ITGAM: variants seen among roughly 807,000 people sequenced by gnomAD.
ITGAM encodes integrin subunit alpha M, also known as integrin alpha-M.
Under a neutral mutation model 137.5 loss-of-function variants are expected in ITGAM, and 79 were observed. The ratio of observed to expected loss-of-function variants is 0.57; its 90% CI spans 0.48 to 0.69. The LOEUF (loss-of-function observed/expected upper bound fraction) is 0.69. ITGAM is among the 30% of genes least tolerant of loss of function. The pLI is 0.00. For synonymous variants in ITGAM, 583 were observed against 592.3 expected (o/e 0.98, Z 0.23); for missense variants, 1,343 against 1,483.5 (o/e 0.91, Z 1.56).
intron 14 of ITGAM, among the ~76,000 whole-genome samples, chr16:31,299,038 T>G (rs2080168120): frequency 6.6e-6 from 1 of 152,204 alleles, no homozygotes; most frequent in African/African-American, 2.4e-5. Context: ...GCCTCTGGTC[T>G]CTGGGTTTTT....
At chr16:31,261,334 C>T (rs2079697066) in intron 1 of ITGAM, among the ~76,000 whole-genome samples, 1 of 151,320 alleles carries the variant, frequency 6.6e-6, no homozygotes. Context: ...TCCTGAGTAC[C>T]ACTACACCCG....
rs1207681666 is a variant in ITGAM at position 31,265,821 on chromosome 16, G to C, written c.249G>C (p.Glu83Asp). Residue 83 changes from glutamate (E) to aspartate (D), a missense_variant, in exon 4 of 30, where the codon GAG (glutamate) becomes GAC (aspartate). By Grantham distance (45) the Glu-to-Asp change is conservative. Coordinates refer to ENST00000544665, the MANE Select transcript of ITGAM (RefSeq NM_000632.4). ...TATCTGTCCCCGCAGTCCCCGTGGA[G>C]GCCGTGAACATGTCCCTGGGCCTGT... ...CEPIRLQVPVEAVNMSLGLSL... is the reference protein window; with the variant it reads ...CEPIRLQVPVDAVNMSLGLSL... 1.9e-6 allele frequency: 3 copies of C among 1,613,852 alleles called. No individual in the cohort carries two copies. Among genetic ancestry groups the C allele is most frequent in the Non-Finnish European group, 1.7e-6 (2 of 1,179,970 alleles).
At chr16:31,262,818 A>G (rs554719026) in intron 2 of ITGAM, among the ~76,000 whole-genome samples, 1 of 152,308 alleles carries the variant, frequency 6.6e-6, no homozygotes, top group East Asian at 1.9e-4. Context: ...AGGTGATAGT[A>G]CCTTTCCAGA....
chr16:31,305,472 G>A (rs1437328788), intron 14 of ITGAM, among the ~76,000 whole-genome samples: 1 of 152,008 alleles, frequency 6.6e-6, no homozygotes, highest in Admixed American at 6.6e-5. Context: ...GATTTGATTT[G>A]GCTGGGACTT....
intron 14 of ITGAM, among the ~76,000 whole-genome samples, chr16:31,301,502 A>G (rs181881422): frequency 1.3e-5 from 2 of 152,330 alleles, no homozygotes; most frequent in East Asian, 3.9e-4. Flanking sequence ...GCATTTTATT[A>G]GAGTCAAATA....
rs5816528 is a variant in ITGAM, at chr16:31,331,894, CAT to C, written c.*188_*189del. 0.49 allele frequency: 284,037 copies of C among 583,596 alleles called. 73,543 individuals are homozygous for C. Among genetic ancestry groups the C allele is most frequent in the East Asian group, 0.76 (25,480 of 33,648 alleles). 36.2% of individuals were successfully genotyped at this position (583,596 alleles called of 1,614,324 possible). ...AAGTGTCTGTGTGCAAGTGTGTGCA[CAT>C]GTGTGCGTGTGCGTGCATGTGCACT... On this transcript the variant is annotated 3_prime_UTR_variant, in exon 30 of 30. Coordinates refer to ENST00000544665, the MANE Select transcript of ITGAM (RefSeq NM_000632.4).
In ITGAM at chr16:31,271,867, T is replaced by G. The variant is rs751382519; in HGVS notation, c.579T>G (p.Ser193=). 1.2e-6 allele frequency: 2 copies of G among 1,614,036 alleles called. No individual in the cohort carries two copies. Among genetic ancestry groups the G allele is most frequent in the East Asian group, 4.5e-5 (2 of 44,874 alleles). Residue 193 remains serine, a synonymous_variant, in exon 7 of 30, where the codon TCT becomes TCG. Coordinates refer to ENST00000544665, the MANE Select transcript of ITGAM (RefSeq NM_000632.4). The part of the protein sequence containing the change: ...SKTLFSLMQY[S]EEFRIHFTFK... ...CGCAGTTCTCTTTGATGCAGTACTC[T>G]GAAGAATTCCGGATTCACTTTACCT...
Position 31,324,345 on chromosome 16 carries a change from C to A in ITGAM, c.2003-54C>A. The A allele has an allele frequency of 6.7e-7, 1 of 1,499,038 alleles. No individual in the cohort carries two copies. The allele number at this position is 1,499,038 out of a possible 1,614,324, so 92.9% of individuals were successfully genotyped here. A position where few individuals can be genotyped will look rare whatever the true frequency, so the allele number is the denominator to read the frequency against. Reference sequence around the variant, plus strand: ...GAGGAGCTGGGCCTTGAACTCCCATCTGCCGGGTTCCGAGGCTCAGGCCCC... The same window carrying A: ...GAGGAGCTGGGCCTTGAACTCCCATATGCCGGGTTCCGAGGCTCAGGCCCC... On this transcript the variant is annotated intron_variant, in intron 16 of 29. Coordinates refer to ENST00000544665, the MANE Select transcript of ITGAM (RefSeq NM_000632.4). The surrounding 1 kb of genome is among the most constrained non-coding windows in gnomAD (Gnocchi z 4.5).
intron 12 of ITGAM, among the ~76,000 whole-genome samples, chr16:31,284,707 A>G (rs1257305796): frequency 6.6e-6 from 1 of 152,120 alleles, no homozygotes; most frequent in Non-Finnish European, 1.5e-5. Context: ...GCTTTGGCTC[A>G]TACTCTGTGG....
intron 3 of ITGAM, 111 bp from the exon 4 acceptor site, chr16:31,265,700 C>G: frequency 1.1e-6 from 1 of 934,276 alleles, no homozygotes; most frequent in Non-Finnish European, 1.6e-6. Context: ...TAGGATCCCC[C>G]TTCACCGTCA....
intron 7 of ITGAM, among the ~76,000 whole-genome samples, chr16:31,272,301 T>A (rs2079849604): frequency 6.7e-6 from 1 of 149,620 alleles, no homozygotes; most frequent in African/African-American, 2.5e-5. Flanking sequence ...TCACTCTGAT[T>A]TTGAGGTGGG....
chr16:31,330,104 C>G lies in ITGAM; in HGVS notation c.3000C>G (p.Thr1000=), dbSNP rs778357870. ...FSENLSSTCH[T]KERLPSHSDF... is the part of the protein sequence containing the mutation. ...AGAACCTCTCGAGTACGTGCCACAC[C>G]AAGGAGCGCTTGCCCTCTCACTCCG... The change falls in exon 26 of 30, where the codon ACC becomes ACG. Residue 1000 remains threonine (T), a synonymous_variant. Transcript: ENST00000544665. 2.1e-4 allele frequency: 339 copies of G among 1,613,710 alleles called. No individual in the cohort carries two copies. The highest frequency in any genetic ancestry group is 9.0e-5 in the Non-Finnish European group (106 of 1,179,822).
At position 31,275,599 on chromosome 16, in the gene ITGAM, C is replaced by A. The variant is rs374273074; in HGVS notation, c.909C>A (p.Ile303=). ...AATCCCGCCAAGAGCTTAATACCAT[C>A]GCATCCAAGCCGCCTCGTGATCACG... ...SEKSRQELNT[I]ASKPPRDHVF... Residue 303 remains isoleucine, a synonymous_variant, in exon 9 of 30, where the codon ATC becomes ATA. Coordinates refer to ENST00000544665, the MANE Select transcript of ITGAM (RefSeq NM_000632.4). 18 of 1,613,898 alleles carry A rather than the reference C, an allele frequency of 1.1e-5. No homozygotes were observed. The highest frequency in any genetic ancestry group is 1.4e-5 in the Non-Finnish European group (16 of 1,179,820).
chr16:31,276,942 T>A lies in ITGAM; in HGVS notation c.1106T>A (p.Val369Glu). 6.2e-7 allele frequency: 1 copy of A among 1,613,340 alleles called. No homozygotes were observed. The highest frequency in any genetic ancestry group is 8.5e-7 in the Non-Finnish European group (1 of 1,179,634). ...CAGAATGGCCCCTTGCTGAGCACTG[T>A]GGGGAGCTATGACTGGGCTGGTGGA... ...ITSNGPLLST[V>E]GSYDWAGGVF... is the part of the protein sequence containing the mutation. Residue 369 changes from valine to glutamate, a missense_variant, in exon 11 of 30, where the codon GTG becomes GAG. Physicochemically the swap from Val to Glu is moderately radical, Grantham distance 121. Transcript: ENST00000544665.
chr16:31,302,917 CCTCTTTCTTTCTTT>C (rs1483130243), intron 14 of ITGAM, among the ~76,000 whole-genome samples: 10 of 126,452 alleles, frequency 7.9e-5, no homozygotes, highest in Non-Finnish European at 1.5e-4. Context: ...TCTTTCCCTC[CCTCTTTCTTTCTTT>C]CTTTCTTTCT....
chr16:31,327,374 C>A (rs2080518831), intron 22 of ITGAM, among the ~76,000 whole-genome samples: 1 of 151,632 alleles, frequency 6.6e-6, no homozygotes, highest in African/African-American at 2.4e-5. Context: ...ATTGCTCGAA[C>A]CCAGGAGTTC....
At chr16:31,273,652 C>T in intron 8 of ITGAM, 134 bp downstream of exon 8, 1 of 803,156 alleles carries the variant, frequency 1.2e-6, no homozygotes, top group Non-Finnish European at 1.9e-6. Context: ...ACCGTATCAG[C>T]TATCTGTTGC....
chr16:31,328,764 G>A, intron 23 of ITGAM, among the ~76,000 whole-genome samples: 1 of 142,910 alleles, frequency 7.0e-6, no homozygotes, highest in South Asian at 2.2e-4. Flanking sequence ...CTATGTGCAT[G>A]CGTGTGCGCA....
At chr16:31,297,011 T>C (rs2080141313) in intron 12 of ITGAM, among the ~76,000 whole-genome samples, 1 of 152,194 alleles carries the variant, frequency 6.6e-6, no homozygotes, top group African/African-American at 2.4e-5. Flanking sequence ...GAAAGGGTGG[T>C]ATTCTGTCTT....
Sources: allele counts gnomAD v4.1 joint callset (sites outside exome capture counted in the v4.1 genomes callset), GRCh38; gene constraint gnomAD v4.1.1; non-coding constraint Gnocchi (gnomAD v3.1); transcripts MANE v1.5; gene names NCBI Gene and HGNC (gene_info 2026-07-23, HGNC 2026-07-21).